The following CCSER1 variants were observed in gnomAD, a reference collection of about 807,000 sequenced individuals.
CCSER1 encodes coiled-coil serine rich protein 1.
In CCSER1, 41 loss-of-function variants were observed where a neutral mutation model predicts 82.0. The ratio of observed to expected loss-of-function variants is 0.50; its 90% CI spans 0.39 to 0.65. CCSER1 has a LOEUF of 0.65. Among genes scored for constraint, CCSER1 ranks in the 30% least tolerant of loss-of-function variants. The probability of loss-of-function intolerance (pLI) is 0.00; values close to 1 mark genes in which losing one functional copy is unlikely to be tolerated. For synonymous variants in CCSER1, 414 were observed against 383.9 expected (o/e 1.08, Z -0.92); for missense variants, 1,119 against 1,064.2 (o/e 1.05, Z -0.72).
chr4:90,613,940 C>T (rs1193017048), intron 5 of CCSER1, among the ~76,000 whole-genome samples: 1 of 152,150 alleles, frequency 6.6e-6, no homozygotes, highest in African/African-American at 2.4e-5. Context: ...GGTTTAAATA[C>T]TGGCATATCT....
chr4:90,297,302 A>G (rs7341001), intron 1 of CCSER1, among the ~76,000 whole-genome samples: 95,349 of 144,118 alleles, frequency 0.66, 33,504 homozygotes, highest in African/African-American at 0.91. Context: ...TTTGTCTGTT[A>G]TTGGTGTATA....
chr4:91,271,643 T>C (rs561184106), intron 10 of CCSER1, among the ~76,000 whole-genome samples: 6 of 152,110 alleles, frequency 3.9e-5, no homozygotes, highest in African/African-American at 1.4e-4. Context: ...CCATCATATA[T>C]ATGATATACA....
intron 10 of CCSER1, among the ~76,000 whole-genome samples, chr4:91,158,053 A>T (rs1730994169): frequency 6.6e-6 from 1 of 151,988 alleles, no homozygotes; most frequent in South Asian, 2.1e-4. Context: ...CTTATATCTA[A>T]TGAGCCTACT....
chr4:91,309,157 C>T (rs1293601522), intron 10 of CCSER1, among the ~76,000 whole-genome samples: 2 of 151,890 alleles, frequency 1.3e-5, no homozygotes, highest in Admixed American at 6.6e-5. Flanking sequence ...AAATCTTGTC[C>T]GTCCTTTTTA....
chr4:91,425,372 A>C (rs959574865), intron 10 of CCSER1, among the ~76,000 whole-genome samples: 3 of 152,136 alleles, frequency 2.0e-5, no homozygotes, highest in Admixed American at 6.5e-5. Context: ...CACAAATCAA[A>C]TCTGTCGACA....
rs189123700 is a variant in CCSER1, at chr4:91,121,109, T to C, written c.2217+35115T>C. ...AATTCTTTATATATGTTACATAAAC[T>C]GTTTGCTGACATCTTTTTTTTTTTC... is the stretch of plus-strand genomic sequence containing the variant. On this transcript the variant is annotated intron_variant, in intron 10 of 10. Transcript: ENST00000509176. Among the ~76,000 whole-genome samples the C allele has an allele frequency of 1.3e-4, 18 of 138,738 alleles. No individual in the cohort carries two copies. In the East Asian group the frequency reaches 3.9e-3, roughly 30 times the overall value. The allele number at this position is 138,738 out of a possible 152,430, so 91.0% of individuals were successfully genotyped here. A position where few individuals can be genotyped will look rare whatever the true frequency, so the allele number is the denominator to read the frequency against.
chr4:91,281,770 T>C (rs979613831), intron 10 of CCSER1, among the ~76,000 whole-genome samples: 6 of 152,182 alleles, frequency 3.9e-5, no homozygotes, highest in African/African-American at 1.4e-4. Context: ...TATAAATATA[T>C]TACTTTCTCA....
intron 10 of CCSER1, among the ~76,000 whole-genome samples, chr4:91,139,853 C>CT (rs979116039): frequency 6.6e-6 from 1 of 152,028 alleles, no homozygotes; most frequent in Non-Finnish European, 1.5e-5. Flanking sequence ...ATGCCAAGTA[C>CT]TTTTTTTCAG....
chr4:91,173,390 C>G (rs376012737), intron 10 of CCSER1, among the ~76,000 whole-genome samples: 1 of 151,982 alleles, frequency 6.6e-6, no homozygotes, highest in African/African-American at 2.4e-5. Flanking sequence ...GTCAGGAGAT[C>G]GAGACCATCT....
At chr4:90,156,825 C>G (rs1284602722) in intron 1 of CCSER1, among the ~76,000 whole-genome samples, 1 of 152,154 alleles carries the variant, frequency 6.6e-6, no homozygotes, top group Non-Finnish European at 1.5e-5. Context: ...GACTCTTTAT[C>G]CAATTTGCCA....
chr4:91,475,633 A>G (rs1560701386), intron 10 of CCSER1, among the ~76,000 whole-genome samples: 1 of 151,892 alleles, frequency 6.6e-6, no homozygotes, highest in Non-Finnish European at 1.5e-5. Flanking sequence ...TACTACCTCA[A>G]ACATTTATTA....
intron 1 of CCSER1, among the ~76,000 whole-genome samples, chr4:90,283,642 G>A (rs1169038480): frequency 2.0e-5 from 3 of 151,686 alleles, no homozygotes; most frequent in East Asian, 1.9e-4. Flanking sequence ...TGTACTCATC[G>A]AGCAATCCCT....
intron 7 of CCSER1, among the ~76,000 whole-genome samples, chr4:90,732,157 G>A (rs1242449007): frequency 2.0e-5 from 3 of 151,640 alleles, no homozygotes; most frequent in African/African-American, 7.3e-5. Flanking sequence ...TGGATAATTA[G>A]ACTTGTTATA....
At chr4:91,317,589 C>CGTGTGTGTGCGT (rs1700085643) in intron 10 of CCSER1, among the ~76,000 whole-genome samples, 1 of 150,712 alleles carries the variant, frequency 6.6e-6, no homozygotes, top group Non-Finnish European at 1.5e-5. Context: ...AAAGTATATA[C>CGTGTGTGTGCGT]GTGTGTGTGT....
At chr4:91,108,025 T>C (rs2148866171) in intron 10 of CCSER1, 1 of 152,330 alleles carries the variant, frequency 6.6e-6, no homozygotes, top group Admixed American at 6.5e-5. Flanking sequence ...TTCTCAGTTA[T>C]CCAAGTAGAC....
chr4:90,957,369 G>A (rs1458395658), intron 9 of CCSER1, among the ~76,000 whole-genome samples: 1 of 146,698 alleles, frequency 6.8e-6, no homozygotes, highest in African/African-American at 2.5e-5. Context: ...CAAAATGCTG[G>A]GATTACAGGC....
rs142549245 is a variant in CCSER1 at position 91,336,027 on chromosome 4, T to G, written c.2217+250033T>G. Among the ~76,000 whole-genome samples, 287 of 152,242 alleles carry G rather than the reference T, an allele frequency of 1.9e-3. 1 individual carries two copies. Among genetic ancestry groups the G allele is most frequent in the African/African-American group, 6.3e-3 (263 of 41,572 alleles). On this transcript the variant is annotated intron_variant, in intron 10 of 10. Coordinates refer to ENST00000509176, the MANE Select transcript of CCSER1 (RefSeq NM_001145065.2). Reference sequence around the variant, plus strand: ...TGATCATGAATTGTAAAGGGCAAATTCAGCAAAGCCTTACTTTTATATAAC... The same window carrying G: ...TGATCATGAATTGTAAAGGGCAAATGCAGCAAAGCCTTACTTTTATATAAC...
intron 3 of CCSER1, among the ~76,000 whole-genome samples, chr4:90,371,607 T>C (rs751101973): frequency 2.0e-5 from 3 of 152,134 alleles, no homozygotes; most frequent in Admixed American, 6.6e-5. Context: ...AATACTGTTG[T>C]TTTTATAATC....
chr4:90,255,586 A>G (rs1463995926), intron 1 of CCSER1, among the ~76,000 whole-genome samples: 1 of 152,222 alleles, frequency 6.6e-6, no homozygotes, highest in African/African-American at 2.4e-5. Flanking sequence ...TTTTGCAAAC[A>G]TAGGATTTGT....
Sources: allele counts gnomAD v4.1 joint callset (sites outside exome capture counted in the v4.1 genomes callset), GRCh38; gene constraint gnomAD v4.1.1; transcripts MANE v1.5; gene names NCBI Gene and HGNC (gene_info 2026-07-23, HGNC 2026-07-21).